Variants in SYT2 observed in about 807,000 individuals in gnomAD.
The protein encoded by SYT2 is synaptotagmin-2.
Under a neutral mutation model 39.9 loss-of-function variants are expected in SYT2, and 15 were observed. That is an observed-to-expected ratio of 0.38 (90% CI 0.25 to 0.58). SYT2 has a LOEUF of 0.58. SYT2 is among the 20% of genes least tolerant of loss of function. SYT2 has a pLI of 0.70. For synonymous variants in SYT2, 181 were observed against 204.5 expected (o/e 0.89, Z 0.98); for missense variants, 389 against 530.3 (o/e 0.73, Z 2.62).
intron 1 of SYT2, among the ~76,000 whole-genome samples, chr1:202,667,237 A>C (rs1382373125): frequency 6.6e-6 from 1 of 152,156 alleles, no homozygotes; most frequent in Admixed American, 6.5e-5. Flanking sequence ...TGGGACCCAG[A>C]ATCTGGGGCC....
At position 202,668,522 on chromosome 1, in the gene SYT2, T is replaced by C. The variant is rs559024222; in HGVS notation, c.-18+41736A>G. ...CAGGGTTTAAAAGCTCTGGGGCAAATAGAGAGAAATCCTTTATTTGGGGAA... is the reference window on the plus strand; with the variant it reads ...CAGGGTTTAAAAGCTCTGGGGCAAACAGAGAGAAATCCTTTATTTGGGGAA... On this transcript the variant is annotated intron_variant, in intron 1 of 8. Transcript: ENST00000367268. 3.9e-5 allele frequency among the ~76,000 whole-genome samples: 6 copies of C among 152,220 alleles called. 1 individual carries two copies. In the South Asian group the frequency reaches 1.0e-3, roughly 26 times the overall value.
At chr1:202,597,073 G>A (rs1276480738) in intron 8 of SYT2, 110 bp from the exon 9 acceptor site, 28 of 858,348 alleles carry the variant, frequency 3.3e-5, no homozygotes, top group Middle Eastern at 7.3e-4. Context: ...AAGGCCTCCT[G>A]GGGCTCCTTG....
chr1:202,643,546 G>C (rs1445509167), intron 1 of SYT2: 2 of 152,150 alleles, frequency 1.3e-5, no homozygotes, highest in African/African-American at 2.4e-5. Context: ...CCTGCACACA[G>C]CGCGTGCGGC....
Position 202,625,138 on chromosome 1 carries a change from G to A in SYT2, c.-17-19349C>T, listed in dbSNP as rs111214083. Among the ~76,000 whole-genome samples, 11 of 3,168 alleles carry A rather than the reference G, an allele frequency of 3.5e-3. 1 individual carries two copies. Among genetic ancestry groups the A allele is most frequent in the South Asian group, 0.011 (1 of 90 alleles). The allele number at this position is 3,168 out of a possible 152,430, so 2.1% of individuals were successfully genotyped here. A position where few individuals can be genotyped will look rare whatever the true frequency, so the allele number is the denominator to read the frequency against. ...GTGGTATGTGTGTCGTGTGTGTGGC[G>A]TGTAATAGGGTGTGTGGTGTGTCTG... On this transcript the variant is annotated intron_variant, in intron 1 of 8. Coordinates refer to ENST00000367268, the MANE Select transcript of SYT2 (RefSeq NM_177402.5).
intron 1 of SYT2, among the ~76,000 whole-genome samples, chr1:202,706,627 C>G (rs1038287308): frequency 6.6e-6 from 1 of 152,178 alleles, no homozygotes; most frequent in Non-Finnish European, 1.5e-5. Flanking sequence ...GCTGTAGTCA[C>G]TATACTGCCA....
At chr1:202,644,196 G>A (rs1465085432) in intron 1 of SYT2, among the ~76,000 whole-genome samples, 1 of 152,116 alleles carries the variant, frequency 6.6e-6, no homozygotes, top group Non-Finnish European at 1.5e-5. Context: ...TTGGGGAGGG[G>A]AGAAAGGGCG....
intron 1 of SYT2, among the ~76,000 whole-genome samples, chr1:202,668,439 G>A (rs1692521096): frequency 6.6e-6 from 1 of 152,128 alleles, no homozygotes; most frequent in Non-Finnish European, 1.5e-5. Flanking sequence ...TCATTCTGTA[G>A]TTTGTTAAGA....
At chr1:202,631,779 T>C (rs1003213080) in intron 1 of SYT2, among the ~76,000 whole-genome samples, 5 of 152,170 alleles carry the variant, frequency 3.3e-5, no homozygotes, top group Admixed American at 6.5e-5. Flanking sequence ...GGCTCCATCA[T>C]TGGGAGCATT....
At chr1:202,653,907 C>G (rs948485935) in intron 1 of SYT2, among the ~76,000 whole-genome samples, 1 of 152,182 alleles carries the variant, frequency 6.6e-6, no homozygotes, top group African/African-American at 2.4e-5. Context: ...CTAAGTTATC[C>G]TCTCTCTGGA....
chr1:202,618,583 A>G (rs534024756), intron 1 of SYT2, among the ~76,000 whole-genome samples: 3 of 151,934 alleles, frequency 2.0e-5, no homozygotes, highest in Non-Finnish European at 4.4e-5. Flanking sequence ...GGTTTCTTTC[A>G]CCTCTCTGAG....
chr1:202,604,567 G>A lies in SYT2; in HGVS notation c.233C>T (p.Thr78Ile), dbSNP rs930823719. The change falls in exon 3 of 9, where the codon ACC becomes ATC. Residue 78 changes from threonine to isoleucine, a missense_variant. Around this residue, in one of 4 missense-constraint regions of SYT2, gnomAD observed 280 missense variants for 335.6 expected, o/e 0.83. Transcript: ENST00000367268. ...TTTCTTGCAGATGCAGAAGCAGCAG[G>A]TGAGAAGCAGGAGCCCAGCAACCAC... ...IAVVAGLLLL[T>I]CCFCICKKCC... is the part of the protein sequence containing the mutation. 1 of 1,614,212 alleles carries A rather than the reference G, an allele frequency of 6.2e-7. No homozygotes were observed.
intron 1 of SYT2, among the ~76,000 whole-genome samples, chr1:202,670,587 G>A (rs1023312655): frequency 6.6e-6 from 1 of 152,158 alleles, no homozygotes; most frequent in African/African-American, 2.4e-5. Flanking sequence ...GATTAATGAA[G>A]TTCTCACCAG....
In SYT2 at chr1:202,601,689, TA is replaced by T. The variant is rs1330724848; in HGVS notation, c.801+200del. Among the ~76,000 whole-genome samples the T allele has an allele frequency of 6.6e-6, 1 of 152,050 alleles. No homozygotes were observed. Among genetic ancestry groups the T allele is most frequent in the Non-Finnish European group, 1.5e-5 (1 of 68,006 alleles). On this transcript the variant is annotated intron_variant, in intron 6 of 8. Coordinates refer to ENST00000367268, the MANE Select transcript of SYT2 (RefSeq NM_177402.5). The surrounding 1 kb of genome is among the most constrained non-coding windows in gnomAD (Gnocchi z 4.0). ...TATGCAGGTAATGAATCCTCATCTGTAAAAAAAGACTAAAGGAGGGAACCCG... is the reference window on the plus strand; with the variant it reads ...TATGCAGGTAATGAATCCTCATCTGTAAAAAAGACTAAAGGAGGGAACCCG...
intron 1 of SYT2, among the ~76,000 whole-genome samples, chr1:202,669,012 C>T (rs6661284): frequency 0.56 from 84,838 of 152,060 alleles, 25,195 homozygotes; most frequent in East Asian, 0.79. Context: ...TTCAGGAATT[C>T]GGGACCTGTT....
At chr1:202,646,842 A>G (rs1023314665) in intron 1 of SYT2, among the ~76,000 whole-genome samples, 1 of 150,804 alleles carries the variant, frequency 6.6e-6, no homozygotes, top group Non-Finnish European at 1.5e-5. Flanking sequence ...CTGACCCCCA[A>G]CTCTCTCTCC....
At chr1:202,624,822 TCTGGTCTGTAGTAGGG>T (rs1691325507) in intron 1 of SYT2, among the ~76,000 whole-genome samples, 1 of 130,772 alleles carries the variant, frequency 7.6e-6, no homozygotes, top group African/African-American at 3.0e-5. Context: ...GTGTGTGGTG[TCTGGTCTGTAGTAGGG>T]TGTGTGTGGT....
At chr1:202,670,057 C>T (rs1427298181) in intron 1 of SYT2, among the ~76,000 whole-genome samples, 2 of 152,142 alleles carry the variant, frequency 1.3e-5, no homozygotes, top group Non-Finnish European at 1.5e-5. Context: ...TGCCAGCACT[C>T]GTGAGGAAGG....
intron 1 of SYT2, among the ~76,000 whole-genome samples, chr1:202,708,694 G>C (rs541800173): frequency 6.6e-6 from 1 of 152,284 alleles, no homozygotes; most frequent in South Asian, 2.1e-4. Context: ...GCAGCTTGCA[G>C]TGCCTGCCAG....
intron 1 of SYT2, among the ~76,000 whole-genome samples, chr1:202,621,476 T>C (rs1289275142): frequency 3.3e-5 from 5 of 152,078 alleles, no homozygotes; most frequent in African/African-American, 7.2e-5. Flanking sequence ...TTAAAGTTTT[T>C]CATAGAGACA....
Sources: gnomAD v4.1 joint callset for allele counts (sites outside exome capture counted in the v4.1 genomes callset) on GRCh38, gnomAD v4.1.1 for gene constraint, gnomAD v4.1.1 regional missense constraint, Gnocchi (gnomAD v3.1) non-coding constraint, MANE v1.5 for transcripts, NCBI Gene and HGNC (gene_info 2026-07-23, HGNC 2026-07-21) for gene names.